The following CX3CR1 variants were observed in gnomAD, a reference collection of about 807,000 sequenced individuals.
CX3CR1 encodes CX3C chemokine receptor 1.
For missense variants in CX3CR1, 363 were observed against 432.4 expected (o/e 0.84, Z 1.42); for synonymous variants, 168 against 178.5 (o/e 0.94, Z 0.47).
chr3:39,265,788 A>G lies in CX3CR1; in HGVS notation c.722T>C (p.Phe241Ser), dbSNP rs771058178. Reference sequence around the variant, plus strand: ...AACGTTGTAGGGTGTCCAGAAGAGGAAAAACACGATGACCACCAGAAGGAT... The same window carrying G: ...AACGTTGTAGGGTGTCCAGAAGAGGGAAAACACGATGACCACCAGAAGGAT... ...KLILLVVIVF[F>S]LFWTPYNVMI... The change falls in exon 2 of 2, where the codon TTC becomes TCC. Residue 241 changes from phenylalanine to serine, a missense_variant. Transcript: ENST00000399220. 4.3e-6 allele frequency: 7 copies of G among 1,614,050 alleles called. No individual in the cohort carries two copies. Among genetic ancestry groups the G allele is most frequent in the Non-Finnish European group, 5.1e-6 (6 of 1,180,006 alleles).
chr3:39,283,097 C>A (rs1390382960), upstream of CX3CR1, among the ~76,000 whole-genome samples: 4 of 152,130 alleles, frequency 2.6e-5, no homozygotes, highest in Non-Finnish European at 5.9e-5. Context: ...TCGCCATGTA[C>A]CCAGGCTGCT....
At chr3:39,267,600 G>A (rs1465937829) in intron 1 of CX3CR1, among the ~76,000 whole-genome samples, 1 of 152,174 alleles carries the variant, frequency 6.6e-6, no homozygotes, top group Non-Finnish European at 1.5e-5. Flanking sequence ...AATCAGGACT[G>A]TTGGTCATCC....
At chr3:39,283,797 ATATATATAT>A (rs2040925765), upstream of CX3CR1, among the ~76,000 whole-genome samples, 4 of 23,728 alleles carry the variant, frequency 1.7e-4, no homozygotes, top group South Asian at 9.7e-4. Context: ...AAAAAAAATT[ATATATATAT>A]ATATATATAT....
chr3:39,277,346 C>A (rs1413803709), intron 1 of CX3CR1, among the ~76,000 whole-genome samples: 1 of 152,172 alleles, frequency 6.6e-6, no homozygotes, highest in African/African-American at 2.4e-5. Flanking sequence ...CTCTTCTGGG[C>A]AGAGTGAGTG....
chr3:39,280,689 C>T (rs1162891386), upstream of CX3CR1, among the ~76,000 whole-genome samples: 1 of 152,198 alleles, frequency 6.6e-6, no homozygotes, highest in Non-Finnish European at 1.5e-5. Context: ...AGGCTGAGGA[C>T]ACAGCTTTCA....
rs2040701595 is a variant in CX3CR1, at chr3:39,266,420, C to T, written c.90G>A (p.Gly30=). ...ACYIGDIVVF[G]TVFLSIFYSV... is the part of the protein sequence containing the mutation. ...AGTAGAATATGGACAGGAACACAGT[C>T]CCAAAGACCACGATGTCCCCAATAT... The change falls in exon 2 of 2, where the codon GGG becomes GGA. Residue 30 remains glycine (G), a synonymous_variant. Transcript: ENST00000399220. The T allele has an allele frequency of 6.2e-7, 1 of 1,614,172 alleles. No homozygotes were observed. The highest frequency in any genetic ancestry group is 1.7e-5 in the Admixed American group (1 of 60,024).
chr3:39,267,943 T>G (rs2040725872), intron 1 of CX3CR1, among the ~76,000 whole-genome samples: 1 of 152,234 alleles, frequency 6.6e-6, no homozygotes, highest in Non-Finnish European at 1.5e-5. Context: ...GGGCGTCTCC[T>G]CGTGATACCA....
chr3:39,265,271 C>T lies in CX3CR1; in HGVS notation c.*171G>A. 3.3e-6 allele frequency: 2 copies of T among 611,412 alleles called. No individual in the cohort carries two copies. Among genetic ancestry groups the T allele is most frequent in the Non-Finnish European group, 5.6e-6 (2 of 360,006 alleles). The allele number at this position is 611,412 out of a possible 1,614,324, so 37.9% of individuals were successfully genotyped here. A position where few individuals can be genotyped will look rare whatever the true frequency, so the allele number is the denominator to read the frequency against. ...TGTCATTCAAAGAGTTCAATTTGTT[C>T]ATTCTTCAAATTTTGAGCACAATTC... On this transcript the variant is annotated 3_prime_UTR_variant, in exon 2 of 2. Coordinates refer to ENST00000399220, the MANE Select transcript of CX3CR1 (RefSeq NM_001337.4).
the CX3CR1 span, among the ~76,000 whole-genome samples, chr3:39,290,770 A>C: frequency 6.6e-6 from 1 of 151,832 alleles, no homozygotes; most frequent in Non-Finnish European, 1.5e-5. Flanking sequence ...AAATACAAAA[A>C]ATTTGCCAGG....
the CX3CR1 span, chr3:39,287,664 A>G: frequency 5.3e-5 from 8 of 152,238 alleles, no homozygotes; most frequent in African/African-American, 1.9e-4. Context: ...AATGGGTCAA[A>G]TGGAAGGTTC....
intron 1 of CX3CR1, among the ~76,000 whole-genome samples, chr3:39,267,815 A>G (rs1447999771): frequency 6.6e-6 from 1 of 152,204 alleles, no homozygotes; most frequent in African/African-American, 2.4e-5. Context: ...CCTTCTGAGC[A>G]GGAATTGAAA....
chr3:39,269,282 G>A (rs2125551512), intron 1 of CX3CR1, among the ~76,000 whole-genome samples: 1 of 152,330 alleles, frequency 6.6e-6, no homozygotes, highest in South Asian at 2.1e-4. Context: ...CTGATTGCCT[G>A]GTGGAGTGGC....
intron 1 of CX3CR1, among the ~76,000 whole-genome samples, chr3:39,271,124 A>G (rs1023942042): frequency 4.6e-5 from 7 of 152,304 alleles, no homozygotes; most frequent in African/African-American, 1.7e-4. Context: ...GAGAAGACCC[A>G]CGTCCTCTTC....
upstream of CX3CR1, among the ~76,000 whole-genome samples, chr3:39,283,795 T>TATATATATATA (rs1491542391): frequency 2.1e-4 from 14 of 65,296 alleles, 1 homozygote; most frequent in East Asian, 1.4e-3. Flanking sequence ...AAAAAAAAAA[T>TATATATATATA]TATATATATA....
At position 39,266,146 on chromosome 3, in the gene CX3CR1, C is replaced by A; in HGVS notation, c.364G>T (p.Val122Phe). The A allele has an allele frequency of 6.2e-7, 1 of 1,614,066 alleles. No homozygotes were observed. The highest frequency in any genetic ancestry group is 8.5e-7 in the Non-Finnish European group (1 of 1,180,034). The change falls in exon 2 of 2, where the codon GTC becomes TTC. Residue 122 changes from valine (V) to phenylalanine (F), a missense_variant. By Grantham distance (50) the Val-to-Phe change is conservative. Coordinates refer to ENST00000399220, the MANE Select transcript of CX3CR1 (RefSeq NM_001337.4). ...GFFGSIFFIT[V>F]ISIDRYLAIV... Reference sequence around the variant, plus strand: ...GCCAGGTACCTATCAATGCTGATGACGGTGATGAAGAATATGCTTCCAAAA... The same window carrying A: ...GCCAGGTACCTATCAATGCTGATGAAGGTGATGAAGAATATGCTTCCAAAA...
At chr3:39,270,666 C>T (rs1196445199) in intron 1 of CX3CR1, among the ~76,000 whole-genome samples, 1 of 152,146 alleles carries the variant, frequency 6.6e-6, no homozygotes, top group African/African-American at 2.4e-5. Flanking sequence ...TTAAGGAATA[C>T]ACTGGTGGTG....
At chr3:39,267,441 T>A (rs1271836481) in intron 1 of CX3CR1, among the ~76,000 whole-genome samples, 1 of 152,144 alleles carries the variant, frequency 6.6e-6, no homozygotes, top group Non-Finnish European at 1.5e-5. Flanking sequence ...CCTCCTCTTC[T>A]CCTTATAATC....
chr3:39,284,150 A>T (rs1237093452), upstream of CX3CR1, among the ~76,000 whole-genome samples: 6 of 151,978 alleles, frequency 3.9e-5, no homozygotes, highest in African/African-American at 1.2e-4. Context: ...GGGAGTGATT[A>T]AAAAAAGCTG....
the CX3CR1 span, among the ~76,000 whole-genome samples, chr3:39,292,373 T>G: frequency 1.3e-5 from 2 of 152,168 alleles, no homozygotes; most frequent in Admixed American, 6.5e-5. Context: ...CTTCCTAAAG[T>G]CAGACCCTCA....
Sources: gnomAD v4.1 joint callset for allele counts (sites outside exome capture counted in the v4.1 genomes callset) on GRCh38, gnomAD v4.1.1 for gene constraint, MANE v1.5 for transcripts, NCBI Gene and HGNC (gene_info 2026-07-23, HGNC 2026-07-21) for gene names.